Variants in CD163L1 observed in about 807,000 individuals in gnomAD.
CD163L1 encodes scavenger receptor cysteine-rich type 1 protein M160.
Under a neutral mutation model 165.4 loss-of-function variants are expected in CD163L1, and 124 were observed. That is an observed-to-expected ratio of 0.75 (90% CI 0.65 to 0.87). CD163L1 has a LOEUF of 0.87. Ranked by LOEUF, CD163L1 falls within the 40% of genes least tolerant of loss-of-function variation. CD163L1 has a pLI of 0.00. For synonymous variants in CD163L1, 585 were observed against 662.2 expected, an observed-to-expected ratio of 0.88 and a Z score of 1.79; for missense variants, 1,525 against 1,799.9, an observed-to-expected ratio of 0.85 and a Z score of 2.76.
intron 5 of CD163L1, 77 bp downstream of exon 5, chr12:7,406,455 T>C: frequency 1.4e-6 from 2 of 1,401,892 alleles, no homozygotes; most frequent in Non-Finnish European, 2.0e-6. Context: ...CAATTGGTTG[T>C]AACTTTTTCA....
At chr12:7,435,409 AAT>A (rs906840562) in intron 2 of CD163L1, among the ~76,000 whole-genome samples, 11 of 152,016 alleles carry the variant, frequency 7.2e-5, no homozygotes, top group Admixed American at 4.6e-4. Context: ...AAAATGGGCA[AAT>A]GAGTTGAACA....
chr12:7,370,072 T>C (rs80278608), intron 14 of CD163L1, among the ~76,000 whole-genome samples: 1,591 of 152,330 alleles, frequency 0.01, 21 homozygotes, highest in Non-Finnish European at 0.016. Flanking sequence ...TATAAGACCA[T>C]TGCTGCTTCT....
chr12:7,379,229 A>G lies in CD163L1; in HGVS notation c.2120T>C (p.Val707Ala). Residue 707 changes from valine (V) to alanine (A), a missense_variant, in exon 9 of 20, where the codon GTC becomes GCC. By Grantham distance (64) the Val-to-Ala change is moderately conservative (BLOSUM62 0). Coordinates refer to ENST00000313599, the MANE Select transcript of CD163L1 (RefSeq NM_174941.6). Reference sequence around the variant, plus strand: ...ACACAGAATTCCCACGGCACCCTGGACATTCACCTCAACTTTTCCAGCACA... The same window carrying G: ...ACACAGAATTCCCACGGCACCCTGGGCATTCACCTCAACTTTTCCAGCACA... ...SRCAGKVEVN[V>A]QGAVGILCAN... 1.2e-6 allele frequency: 2 copies of G among 1,614,180 alleles called. No homozygotes were observed. Among genetic ancestry groups the G allele is most frequent in the South Asian group, 2.2e-5 (2 of 91,084 alleles).
At chr12:7,433,021 T>C (rs774744312) in intron 3 of CD163L1, among the ~76,000 whole-genome samples, 1 of 152,142 alleles carries the variant, frequency 6.6e-6, no homozygotes, top group Non-Finnish European at 1.5e-5. Flanking sequence ...TCTGTTAGTG[T>C]ACCTGGTACA....
At chr12:7,326,897 C>T in the CD163L1 span, 13 of 1,435,176 alleles carry the variant, frequency 9.1e-6, no homozygotes, top group Admixed American at 1.0e-4. Flanking sequence ...ATAGTAAGCA[C>T]CTGTGTTCAG....
At position 7,433,368 on chromosome 12, in the gene CD163L1, T is replaced by G; in HGVS notation, c.445+6A>C. The G allele has an allele frequency of 6.3e-7, 1 of 1,575,534 alleles. No individual in the cohort carries two copies. The highest frequency in any genetic ancestry group is 8.6e-7 in the Non-Finnish European group (1 of 1,159,358). ...CCTTGCCTTCCTACTCTAGTTAGAC[T>G]CTTACCATAACAGTTCACACCAACA... On this transcript the variant is annotated splice_donor_region_variant and intron_variant, in intron 3 of 19. Coordinates refer to ENST00000313599, the MANE Select transcript of CD163L1 (RefSeq NM_174941.6).
In CD163L1 at chr12:7,432,952, C is replaced by T. The variant is rs980601663; in HGVS notation, c.446-216G>A. On this transcript the variant is annotated intron_variant, in intron 3 of 19. Transcript: ENST00000313599. The surrounding 1 kb of genome is among the most constrained non-coding windows in gnomAD (Gnocchi z 4.2). ...CCTAGGTGAAAAAATCAATCATTAG[C>T]ATGATATTCTTTATCATTTTGCTTT... is the stretch of plus-strand genomic sequence containing the variant. Among the ~76,000 whole-genome samples the T allele has an allele frequency of 4.6e-5, 7 of 152,062 alleles. No individual in the cohort carries two copies. The highest frequency in any genetic ancestry group is 1.7e-4 in the African/African-American group (7 of 41,402).
intron 2 of CD163L1, among the ~76,000 whole-genome samples, chr12:7,434,344 A>T (rs1179045702): frequency 1.3e-5 from 2 of 152,220 alleles, no homozygotes; most frequent in Non-Finnish European, 2.9e-5. Context: ...TCAGATGACC[A>T]TTGGCTACTC....
At chr12:7,405,305 A>C (rs1947995297) in intron 5 of CD163L1, among the ~76,000 whole-genome samples, 1 of 151,726 alleles carries the variant, frequency 6.6e-6, no homozygotes. Context: ...CATCTCTCTC[A>C]TCTTCTCATG....
the CD163L1 span, chr12:7,328,776 C>T: frequency 6.5e-6 from 1 of 154,240 alleles, no homozygotes; most frequent in African/African-American, 2.4e-5. Flanking sequence ...GACCAAACTT[C>T]AAGACATTAA....
At chr12:7,342,988 T>C (rs374440712), downstream of CD163L1, among the ~76,000 whole-genome samples, 3 of 152,184 alleles carry the variant, frequency 2.0e-5, no homozygotes, top group Non-Finnish European at 4.4e-5. Context: ...TCTTCCTCTT[T>C]GTTCACCTCT....
intron 14 of CD163L1, among the ~76,000 whole-genome samples, chr12:7,370,997 T>C (rs1057369265): frequency 7.2e-5 from 11 of 152,060 alleles, no homozygotes; most frequent in African/African-American, 2.4e-4. Flanking sequence ...TAGGGGTGGG[T>C]CTTTCCTGTG....
chr12:7,394,751 A>C (rs1274318219), intron 8 of CD163L1, among the ~76,000 whole-genome samples: 1 of 152,206 alleles, frequency 6.6e-6, no homozygotes, highest in Non-Finnish European at 1.5e-5. Context: ...TTACAAGAAA[A>C]AAACAAACAA....
chr12:7,348,169 C>T (rs1460774303), intron 4 of CD163L1, among the ~76,000 whole-genome samples: 1 of 152,156 alleles, frequency 6.6e-6, no homozygotes, highest in East Asian at 1.9e-4. Flanking sequence ...CAGAGTTCCA[C>T]ATAAGCAGGC....
chr12:7,442,660 A>G (rs752186764), intron 1 of CD163L1, among the ~76,000 whole-genome samples: 18 of 152,136 alleles, frequency 1.2e-4, no homozygotes, highest in Non-Finnish European at 2.4e-4. Context: ...TGTCCAAAAC[A>G]CTTTAAGTTG....
At chr12:7,402,565 C>A (rs1472868425) in intron 6 of CD163L1, among the ~76,000 whole-genome samples, 1 of 152,072 alleles carries the variant, frequency 6.6e-6, no homozygotes, top group Non-Finnish European at 1.5e-5. Context: ...TTAGGACTCT[C>A]TAGATATTCC....
Position 7,396,106 on chromosome 12 carries a change from A to T in CD163L1, c.2039T>A (p.Val680Glu). The change falls in exon 8 of 20, where the codon GTG becomes GAG. Residue 680 changes from valine to glutamate, a missense_variant. Physicochemically the swap from Val to Glu is moderately radical, Grantham distance 121 (BLOSUM62 -2). Transcript: ENST00000313599. ...TTTGGGTATCTTACCAGAACAGATC[A>T]CTCCAACATCTTCACTGTGACTGCA... ...NDCSHSEDVG[V>E]ICSDASDMEL... 6.2e-7 allele frequency: 1 copy of T among 1,612,232 alleles called. No homozygotes were observed. The highest frequency in any genetic ancestry group is 8.5e-7 in the Non-Finnish European group (1 of 1,178,998).
At position 7,403,852 on chromosome 12, in the gene CD163L1, C is replaced by G; in HGVS notation, c.1091G>C (p.Gly364Ala). Residue 364 changes from glycine to alanine, a missense_variant, in exon 6 of 20, where the codon GGA becomes GCA. Coordinates refer to ENST00000313599, the MANE Select transcript of CD163L1 (RefSeq NM_174941.6). ...QNDVSVICSDGADLELRLADG... is the reference protein window; with the variant it reads ...QNDVSVICSDAADLELRLADG... ...TGCTAGTCGCAGTTCCAAATCTGCT[C>G]CATCTAGGATGAAGTCACAGAGAAA... 2 of 1,612,552 alleles carry G rather than the reference C, an allele frequency of 1.2e-6. No individual in the cohort carries two copies. The highest frequency in any genetic ancestry group is 1.7e-6 in the Non-Finnish European group (2 of 1,179,296).
intron 4 of CD163L1, among the ~76,000 whole-genome samples, chr12:7,427,112 A>G (rs1948557450): frequency 6.6e-6 from 1 of 152,168 alleles, no homozygotes; most frequent in Non-Finnish European, 1.5e-5. Context: ...AGGGATTTTA[A>G]TACTCCACTT....
Sources: gnomAD v4.1 joint callset for allele counts (sites outside exome capture counted in the v4.1 genomes callset) on GRCh38, gnomAD v4.1.1 for gene constraint, Gnocchi (gnomAD v3.1) non-coding constraint, MANE v1.5 for transcripts, NCBI Gene and HGNC (gene_info 2026-07-23, HGNC 2026-07-21) for gene names.